Variants in SV2C observed in about 807,000 individuals in gnomAD.
SV2C encodes the protein synaptic vesicle glycoprotein 2C.
In SV2C, 49 loss-of-function variants were observed where a neutral mutation model predicts 79.7. That is an observed-to-expected ratio of 0.61 (90% CI 0.49 to 0.78). The LOEUF (loss-of-function observed/expected upper bound fraction) is 0.78. Ranked by LOEUF, SV2C falls within the 30% of genes least tolerant of loss-of-function variation. The pLI, the probability that SV2C is intolerant of heterozygous loss-of-function variation, is 0.00. For missense variants in SV2C, 833 were observed against 912.9 expected (o/e 0.91, Z 1.13); for synonymous variants, 334 against 333.2 (o/e 1.00, Z -0.03).
Position 76,201,741 on chromosome 5 carries a change from G to A in SV2C, c.761+6642G>A, listed in dbSNP as rs573244725. Among the ~76,000 whole-genome samples, 169 of 152,146 alleles carry A rather than the reference G, an allele frequency of 1.1e-3. 1 individual carries two copies. The highest frequency in any genetic ancestry group is 2.0e-3 in the Admixed American group (31 of 15,274). The stretch of plus-strand genomic sequence containing the variant: ...ATTAGAAAATTGAGGCACAGAGGCC[G>A]GGTACGGTGGCTCATGCCTGTAATC... On this transcript the variant is annotated intron_variant, in intron 3 of 12. Transcript: ENST00000502798.
Position 76,116,939 on chromosome 5 carries a change from T to G in SV2C, c.-101-14711T>G, listed in dbSNP as rs80082061. On this transcript the variant is annotated intron_variant, in intron 1 of 12. Coordinates refer to ENST00000502798, the MANE Select transcript of SV2C (RefSeq NM_014979.4). Reference sequence around the variant, plus strand: ...CGCTTGCCAGTTCTTCTTGCAAAGTTGCTCCTGTACATACTTTACCCGAGA... The same window carrying G: ...CGCTTGCCAGTTCTTCTTGCAAAGTGGCTCCTGTACATACTTTACCCGAGA... Among the ~76,000 whole-genome samples, 93 of 152,296 alleles carry G rather than the reference T, an allele frequency of 6.1e-4. 1 individual carries two copies. The East Asian group carries it at 0.017, about 27-fold the overall frequency.
At chr5:76,157,413 G>T (rs547064254) in intron 2 of SV2C, among the ~76,000 whole-genome samples, 1 of 151,850 alleles carries the variant, frequency 6.6e-6, no homozygotes, top group African/African-American at 2.4e-5. Flanking sequence ...AAATGCTAAA[G>T]TTATTTAGTC....
At chr5:76,302,510 A>G (rs1748044730) in intron 12 of SV2C, among the ~76,000 whole-genome samples, 1 of 151,474 alleles carries the variant, frequency 6.6e-6, no homozygotes, top group Non-Finnish European at 1.5e-5. Flanking sequence ...GGTGCCTGTA[A>G]TCCCAGCTAC....
At chr5:76,346,227 A>G (rs1220921593) in intron 12 of SV2C, among the ~76,000 whole-genome samples, 1 of 152,222 alleles carries the variant, frequency 6.6e-6, no homozygotes, top group Non-Finnish European at 1.5e-5. Context: ...ACATAATGGT[A>G]TATGTAGGAA....
intron 1 of SV2C, among the ~76,000 whole-genome samples, chr5:76,127,724 C>A (rs781460457): frequency 6.6e-6 from 1 of 152,132 alleles, no homozygotes; most frequent in Non-Finnish European, 1.5e-5. Context: ...CCTTTTGGTG[C>A]GGAGAACAGG....
At chr5:75,907,789 A>G in the SV2C span, among the ~76,000 whole-genome samples, 1 of 152,230 alleles carries the variant, frequency 6.6e-6, no homozygotes, top group Non-Finnish European at 1.5e-5. Context: ...CATGAAAGAA[A>G]ACAGAGAAAC....
At chr5:76,179,922 C>T (rs993359381) in intron 2 of SV2C, among the ~76,000 whole-genome samples, 1 of 147,080 alleles carries the variant, frequency 6.8e-6, no homozygotes, top group South Asian at 2.2e-4. Context: ...TGATATCTGC[C>T]ATCTGAACTT....
At chr5:76,227,594 G>T (rs1046581085) in intron 4 of SV2C, among the ~76,000 whole-genome samples, 5 of 152,208 alleles carry the variant, frequency 3.3e-5, no homozygotes, top group African/African-American at 1.2e-4. Flanking sequence ...CAGAGCTGAA[G>T]TCTTAGTTAT....
chr5:76,239,063 G>T (rs981298867), intron 4 of SV2C, among the ~76,000 whole-genome samples: 5 of 150,428 alleles, frequency 3.3e-5, no homozygotes, highest in African/African-American at 1.3e-4. Context: ...GACCCTTTTG[G>T]GATCCTAGGG....
At chr5:76,197,247 CAT>C (rs1744296131) in intron 3 of SV2C, among the ~76,000 whole-genome samples, 2 of 152,182 alleles carry the variant, frequency 1.3e-5, no homozygotes, top group Non-Finnish European at 2.9e-5. Context: ...AACACTCACT[CAT>C]AGTTTGGCAT....
chr5:76,276,888 C>A (rs1043830933), intron 4 of SV2C, among the ~76,000 whole-genome samples: 1 of 151,932 alleles, frequency 6.6e-6, no homozygotes, highest in Admixed American at 6.6e-5. Flanking sequence ...AACATATCTG[C>A]CTTTTTCAAT....
At chr5:75,944,320 TG>T in the SV2C span, among the ~76,000 whole-genome samples, 1 of 152,212 alleles carries the variant, frequency 6.6e-6, no homozygotes, top group African/African-American at 2.4e-5. Context: ...GGCCTAATCC[TG>T]AAAAATTAAT....
the SV2C span, chr5:75,921,564 C>T: frequency 1.1e-6 from 1 of 912,724 alleles, no homozygotes; most frequent in South Asian, 1.3e-5. Flanking sequence ...GGGTTTGTGT[C>T]ATTGCGGCCC....
chr5:76,290,667 TC>T (rs142714952), intron 6 of SV2C, among the ~76,000 whole-genome samples: 2,441 of 152,306 alleles, frequency 0.016, 51 homozygotes, highest in Middle Eastern at 0.082. Context: ...CAAAAATCCT[TC>T]ACTTAATCTT....
intron 1 of SV2C, among the ~76,000 whole-genome samples, chr5:76,086,628 G>A (rs1356147005): frequency 1.0e-5 from 1 of 96,928 alleles, no homozygotes; most frequent in Non-Finnish European, 1.8e-5. Context: ...CCCAGGAAAG[G>A]CAGCCCCTGG....
chr5:76,105,700 T>G (rs1033373611), intron 1 of SV2C, among the ~76,000 whole-genome samples: 2 of 152,204 alleles, frequency 1.3e-5, no homozygotes, highest in African/African-American at 4.8e-5. Flanking sequence ...TTAAATTATC[T>G]GCGTTCAGTC....
At chr5:76,131,513 T>G in intron 1 of SV2C, 137 bp from the exon 2 acceptor site, 1 of 247,860 alleles carries the variant, frequency 4.0e-6, no homozygotes, top group African/African-American at 3.0e-5. Context: ...TACAGTGAGA[T>G]CAAAAAAAAA....
chr5:76,294,806 T>C (rs1747688602), intron 8 of SV2C, among the ~76,000 whole-genome samples: 1 of 151,842 alleles, frequency 6.6e-6, no homozygotes. Context: ...ACATTAGAGG[T>C]CAAGAGGCAG....
chr5:76,132,221 C>A lies in SV2C; in HGVS notation c.471C>A (p.Val157=), dbSNP rs755143754. The part of the protein sequence containing the change: ...HGRFQWALFF[V]LGMALMADGV... The stretch of plus-strand genomic sequence containing the variant: ...GTTTTCAGTGGGCCCTTTTCTTCGT[C>A]CTGGGCATGGCTCTTATGGCAGACG... The change falls in exon 2 of 13, where the codon GTC becomes GTA. Residue 157 remains valine (V), a synonymous_variant. Coordinates refer to ENST00000502798, the MANE Select transcript of SV2C (RefSeq NM_014979.4). The A allele has an allele frequency of 6.2e-6, 10 of 1,613,982 alleles. No homozygotes were observed. The Admixed American group carries it at 1.5e-4, about 24-fold the overall frequency.
Sources: allele counts gnomAD v4.1 joint callset (sites outside exome capture counted in the v4.1 genomes callset), GRCh38; gene constraint gnomAD v4.1.1; transcripts MANE v1.5; gene names NCBI Gene and HGNC (gene_info 2026-07-23, HGNC 2026-07-21).